RERE: variants seen among roughly 807,000 people sequenced by gnomAD.
RERE encodes arginine-glutamic acid dipeptide repeats, also known as arginine-glutamic acid dipeptide repeats protein.
In RERE, 40 loss-of-function variants were observed where a neutral mutation model predicts 146.1. The ratio of observed to expected loss-of-function variants is 0.27; its 90% confidence interval spans 0.21 to 0.36. RERE has a LOEUF of 0.36. Among genes scored for constraint, RERE ranks in the 10% least tolerant of loss-of-function variants. The probability of loss-of-function intolerance (pLI) is 1.00; values close to 1 mark genes in which losing one functional copy is unlikely to be tolerated. For missense variants in RERE, 1,933 were observed against 2,138.7 expected (o/e 0.90, Z 1.90); for synonymous variants, 1,003 against 866.0 (o/e 1.16, Z -2.78).
At chr1:8,679,036 A>G (rs2124391328) in intron 1 of RERE, among the ~76,000 whole-genome samples, 1 of 152,370 alleles carries the variant, frequency 6.6e-6, no homozygotes, top group South Asian at 2.1e-4. Context: ...TACTAGCTAC[A>G]TGTGGCTAGC....
At chr1:8,669,910 GA>G (rs1024848486) in intron 1 of RERE, among the ~76,000 whole-genome samples, 2 of 152,080 alleles carry the variant, frequency 1.3e-5, no homozygotes, top group Non-Finnish European at 2.9e-5. Context: ...CACACCTATA[GA>G]AAAAAATCAA....
At chr1:8,445,574 A>C (rs1220158818) in intron 11 of RERE, among the ~76,000 whole-genome samples, 1 of 152,198 alleles carries the variant, frequency 6.6e-6, no homozygotes, top group Non-Finnish European at 1.5e-5. Flanking sequence ...TGAAGACAAT[A>C]ATCTTCATAA....
chr1:8,525,405 C>T lies in RERE; in HGVS notation c.830+15809G>A, dbSNP rs77250234. 7.7e-3 allele frequency among the ~76,000 whole-genome samples: 1,174 copies of T among 152,290 alleles called. 17 individuals are homozygous for T. Among genetic ancestry groups the T allele is most frequent in the African/African-American group, 0.027 (1,137 of 41,554 alleles). On this transcript the variant is annotated intron_variant, in intron 7 of 22. Coordinates refer to ENST00000400908, the MANE Select transcript of RERE (RefSeq NM_001042681.2). The stretch of plus-strand genomic sequence containing the variant: ...CCATACTAGCCACAAGGCAAGGGGG[C>T]GGCCTGCAGGCTTGCTCTGCAGGTC...
At chr1:8,560,872 C>T (rs982777431) in intron 4 of RERE, among the ~76,000 whole-genome samples, 5 of 152,206 alleles carry the variant, frequency 3.3e-5, no homozygotes, top group Non-Finnish European at 5.9e-5. Flanking sequence ...TATTACTTCA[C>T]TGAGCATACA....
At chr1:8,373,316 C>A (rs1231131800) in intron 12 of RERE, among the ~76,000 whole-genome samples, 1 of 152,056 alleles carries the variant, frequency 6.6e-6, no homozygotes, top group East Asian at 1.9e-4. Context: ...GAATGTTGTT[C>A]CCCTGCTTAA....
chr1:8,801,715 T>C (rs972380312), intron 1 of RERE, among the ~76,000 whole-genome samples: 2 of 152,236 alleles, frequency 1.3e-5, no homozygotes, highest in Admixed American at 6.5e-5. Flanking sequence ...AGGCATATCT[T>C]TGGGGGCAAT....
intron 1 of RERE, among the ~76,000 whole-genome samples, chr1:8,663,050 T>C (rs1297637814): frequency 1.3e-5 from 2 of 152,154 alleles, no homozygotes; most frequent in African/African-American, 4.8e-5. Flanking sequence ...CTATGGAAGA[T>C]ATAAAGGTAG....
At chr1:8,412,406 T>C (rs1416499922) in intron 12 of RERE, among the ~76,000 whole-genome samples, 1 of 152,104 alleles carries the variant, frequency 6.6e-6, no homozygotes, top group Non-Finnish European at 1.5e-5. Flanking sequence ...GGAAAAAATA[T>C]CCGTCAACAG....
intron 1 of RERE, among the ~76,000 whole-genome samples, chr1:8,681,100 T>C (rs1253776296): frequency 1.3e-5 from 2 of 152,184 alleles, no homozygotes; most frequent in Non-Finnish European, 2.9e-5. Context: ...AAACCATTCG[T>C]CTTTTCTAAC....
intron 11 of RERE, among the ~76,000 whole-genome samples, chr1:8,432,774 G>A (rs1644112559): frequency 6.6e-6 from 1 of 152,136 alleles, no homozygotes; most frequent in Non-Finnish European, 1.5e-5. Flanking sequence ...CATAATACAT[G>A]TTTGGTAGGA....
At chr1:8,603,507 C>T (rs893438242) in intron 4 of RERE, among the ~76,000 whole-genome samples, 2 of 152,208 alleles carry the variant, frequency 1.3e-5, no homozygotes, top group African/African-American at 4.8e-5. Context: ...ACAACATCAT[C>T]GCCCAGTCTA....
chr1:8,575,565 T>A (rs867614033), intron 4 of RERE, among the ~76,000 whole-genome samples: 1,712 of 137,146 alleles, frequency 0.012, 18 homozygotes, highest in South Asian at 0.025. Flanking sequence ...ATATATATTT[T>A]TTTTTTTTTT....
chr1:8,524,944 C>T (rs1645551924), intron 7 of RERE, among the ~76,000 whole-genome samples: 1 of 152,216 alleles, frequency 6.6e-6, no homozygotes, highest in Admixed American at 6.5e-5. Context: ...TTCCAAGTCA[C>T]ATGACAACAT....
intron 11 of RERE, among the ~76,000 whole-genome samples, chr1:8,429,461 T>G (rs933687031): frequency 2.1e-5 from 3 of 144,138 alleles, no homozygotes; most frequent in Non-Finnish European, 4.6e-5. Context: ...CAAATTCCCC[T>G]CATCTACACA....
At chr1:8,705,509 C>T (rs948955233) in intron 1 of RERE, among the ~76,000 whole-genome samples, 1 of 152,190 alleles carries the variant, frequency 6.6e-6, no homozygotes, top group Non-Finnish European at 1.5e-5. Flanking sequence ...CCTGAGATCC[C>T]ATTCTAGGTC....
chr1:8,771,486 T>C (rs1295499081), intron 1 of RERE, among the ~76,000 whole-genome samples: 2 of 148,258 alleles, frequency 1.3e-5, no homozygotes, highest in African/African-American at 2.5e-5. Flanking sequence ...ATTGCGCCAC[T>C]ACACTCCAGC....
intron 1 of RERE, among the ~76,000 whole-genome samples, chr1:8,754,757 A>C (rs997855812): frequency 1.3e-5 from 2 of 152,270 alleles, no homozygotes; most frequent in African/African-American, 4.8e-5. Flanking sequence ...CTTTCTGATT[A>C]TAAATAAAAC....
chr1:8,376,986 CTTGT>C (rs887619495), intron 12 of RERE, among the ~76,000 whole-genome samples: 39 of 152,250 alleles, frequency 2.6e-4, no homozygotes, highest in African/African-American at 8.7e-4. Flanking sequence ...TATTGGTTTC[CTTGT>C]TTGTTTGTAA....
intron 12 of RERE, among the ~76,000 whole-genome samples, chr1:8,408,784 A>G (rs1380939754): frequency 6.6e-6 from 1 of 152,178 alleles, no homozygotes; most frequent in Non-Finnish European, 1.5e-5. Context: ...TGTAAAGGTT[A>G]TGTGTGCTAT....
Sources: allele counts gnomAD v4.1 joint callset (sites outside exome capture counted in the v4.1 genomes callset), GRCh38; gene constraint gnomAD v4.1.1; transcripts MANE v1.5; gene names NCBI Gene and HGNC (gene_info 2026-07-23, HGNC 2026-07-21).